SAP30L: variants seen among roughly 807,000 people sequenced by gnomAD.
The protein encoded by SAP30L is histone deacetylase complex subunit SAP30L.
Under a neutral mutation model 22.3 loss-of-function variants are expected in SAP30L, and 10 were observed. The observed-to-expected ratio is 0.45, with a 90% CI of 0.28 to 0.76. SAP30L has a LOEUF of 0.76. SAP30L is among the 30% of genes least tolerant of loss of function. The pLI, the probability that SAP30L is intolerant of heterozygous loss-of-function variation, is 0.14. For synonymous variants in SAP30L, 91 were observed against 94.1 expected (o/e 0.97, Z 0.19); for missense variants, 206 against 237.9 (o/e 0.87, Z 0.88).
chr5:154,451,265 G>T, intron 2 of SAP30L, 52 bp downstream of exon 2: 1 of 1,584,954 alleles, frequency 6.3e-7, no homozygotes, highest in South Asian at 1.1e-5. Context: ...ATTCTAATCT[G>T]ATTCTCACCT....
At position 154,460,466 on chromosome 5, in the gene SAP30L, A is replaced by G. The variant is rs1344423653; in HGVS notation, c.*4438A>G. On this transcript the variant is annotated 3_prime_UTR_variant, in exon 4 of 4. Coordinates refer to ENST00000297109, the MANE Select transcript of SAP30L (RefSeq NM_024632.6). ...CCGAAGGGCAGATGAGCTCAAGATC[A>G]TGCCTTGGGAAGCATGGTGCTCTAG... 1 of 152,248 alleles carries G rather than the reference A, an allele frequency of 6.6e-6. No homozygotes were observed. Among genetic ancestry groups the G allele is most frequent in the Non-Finnish European group, 1.5e-5 (1 of 68,050 alleles). 9.4% of individuals were successfully genotyped at this position (152,248 alleles called of 1,614,324 possible).
chr5:154,453,680 G>T (rs1383295117), intron 3 of SAP30L, among the ~76,000 whole-genome samples, 180 bp downstream of exon 3: 2 of 152,178 alleles, frequency 1.3e-5, no homozygotes, highest in Non-Finnish European at 2.9e-5. Context: ...AAAGGCCTCA[G>T]TTCCAGAAAA....
At chr5:154,447,047 T>C (rs1020771108) in intron 1 of SAP30L, among the ~76,000 whole-genome samples, 2 of 152,232 alleles carry the variant, frequency 1.3e-5, no homozygotes, top group African/African-American at 4.8e-5. Context: ...CCTGGAAAGA[T>C]TGGACAGCAG....
rs1161684733 is a variant in SAP30L at position 154,446,055 on chromosome 5, G to T, written c.-550G>T. 1 of 152,196 alleles carries T rather than the reference G, an allele frequency of 6.6e-6. No homozygotes were observed. The highest frequency in any genetic ancestry group is 6.6e-5 in the Admixed American group (1 of 15,254). 9.4% of individuals were successfully genotyped at this position (152,196 alleles called of 1,614,324 possible). On this transcript the variant is annotated 5_prime_UTR_variant, in exon 1 of 4. Coordinates refer to ENST00000297109, the MANE Select transcript of SAP30L (RefSeq NM_024632.6). Reference sequence around the variant, plus strand: ...CGGCCCAGGGGCTGCCGCGGGACTCGGGGCGCAGCCGAGTGGCTGCAGGGG... The same window carrying T: ...CGGCCCAGGGGCTGCCGCGGGACTCTGGGCGCAGCCGAGTGGCTGCAGGGG...
rs1434992058 is a variant in SAP30L at position 154,458,314 on chromosome 5, A to G, written c.*2286A>G. ...GTCAGGTGAGAGAAAAGACAAAGCT[A>G]TTTGAACCTATGTTTTTCTTATGTC... On this transcript the variant is annotated 3_prime_UTR_variant, in exon 4 of 4. Transcript: ENST00000297109. 1 of 152,220 alleles carries G rather than the reference A, an allele frequency of 6.6e-6. No homozygotes were observed. Among genetic ancestry groups the G allele is most frequent in the Non-Finnish European group, 1.5e-5 (1 of 68,040 alleles). 9.4% of individuals were successfully genotyped at this position (152,220 alleles called of 1,614,324 possible).
At chr5:154,451,016 C>A (rs1753597317) in intron 1 of SAP30L, 75 bp from the exon 2 acceptor site, 7 of 1,504,990 alleles carry the variant, frequency 4.7e-6, no homozygotes, top group Non-Finnish European at 6.5e-6. Flanking sequence ...GGAAGGAAGC[C>A]CCGCAATTCG....
chr5:154,453,146 C>T (rs993164939), intron 2 of SAP30L: 1 of 380,300 alleles, frequency 2.6e-6, no homozygotes, highest in Admixed American at 4.2e-5. Flanking sequence ...TTTATCAGAC[C>T]CTGCTCCTCC....
At chr5:154,454,393 A>G (rs1487591787) in intron 3 of SAP30L, among the ~76,000 whole-genome samples, 1 of 105,490 alleles carries the variant, frequency 9.5e-6, no homozygotes, top group African/African-American at 2.8e-5. Flanking sequence ...GGTATTTTCT[A>G]ATCCCTCTTT....
chr5:154,454,431 G>A (rs959655660), intron 3 of SAP30L, among the ~76,000 whole-genome samples: 8 of 152,114 alleles, frequency 5.3e-5, no homozygotes, highest in Admixed American at 5.2e-4. Flanking sequence ...GCCTATTACA[G>A]AAAAGTTGGA....
At chr5:154,453,134 G>C in intron 2 of SAP30L, 1 of 349,780 alleles carries the variant, frequency 2.9e-6, no homozygotes, top group East Asian at 4.8e-5. Context: ...GTTTCTCAGT[G>C]CTTTATCAGA....
At position 154,446,599 on chromosome 5, in the gene SAP30L, G is replaced by A. The variant is rs1467006138; in HGVS notation, c.-6G>A. On this transcript the variant is annotated 5_prime_UTR_variant, in exon 1 of 4. Transcript: ENST00000297109. ...TCCCCCAGAGGGACCGGCCCGGGGCGGGGAGATGAACGGCTTCAGCACGGA... is the reference window on the plus strand; with the variant it reads ...TCCCCCAGAGGGACCGGCCCGGGGCAGGGAGATGAACGGCTTCAGCACGGA... 3.3e-5 allele frequency: 49 copies of A among 1,473,238 alleles called. No homozygotes were observed. Among genetic ancestry groups the A allele is most frequent in the Middle Eastern group, 2.4e-4 (1 of 4,174 alleles). The allele number at this position is 1,473,238 out of a possible 1,614,324, so 91.3% of individuals were successfully genotyped here. A position where few individuals can be genotyped will look rare whatever the true frequency, so the allele number is the denominator to read the frequency against.
At chr5:154,449,016 C>T (rs1353184149) in intron 1 of SAP30L, among the ~76,000 whole-genome samples, 1 of 151,788 alleles carries the variant, frequency 6.6e-6, no homozygotes, top group Non-Finnish European at 1.5e-5. Context: ...ACCCTCCTGC[C>T]CCAACCCCAC....
chr5:154,451,032 T>C, intron 1 of SAP30L, 59 bp from the exon 2 acceptor site: 1 of 1,591,742 alleles, frequency 6.3e-7, no homozygotes, highest in Non-Finnish European at 8.6e-7. Context: ...ATTCGACAGA[T>C]ACCTATTGCT....
intron 1 of SAP30L, 27 bp from the exon 2 acceptor site, chr5:154,451,064 T>C (rs996722325): frequency 4.3e-6 from 7 of 1,613,930 alleles, no homozygotes; most frequent in East Asian, 2.2e-5. Context: ...ATTGGCCAAC[T>C]CTGACTTTGA....
chr5:154,446,535 C>G lies in SAP30L; in HGVS notation c.-70C>G. 7.7e-7 allele frequency: 1 copy of G among 1,292,174 alleles called. No individual in the cohort carries two copies. Among genetic ancestry groups the G allele is most frequent in the Non-Finnish European group, 1.0e-6 (1 of 992,770 alleles). The allele number at this position is 1,292,174 out of a possible 1,614,324, so 80.0% of individuals were successfully genotyped here. Reference sequence around the variant, plus strand: ...CTGCGGGGGTCTCAGCGACCTGCCCCGCGGCAAGCGCGGCCGCGGAGTGGC... The same window carrying G: ...CTGCGGGGGTCTCAGCGACCTGCCCGGCGGCAAGCGCGGCCGCGGAGTGGC... On this transcript the variant is annotated 5_prime_UTR_variant, in exon 1 of 4. Transcript: ENST00000297109.
chr5:154,455,863 A>G (rs765309756), intron 3 of SAP30L, 37 bp from the exon 4 acceptor site: 10 of 1,581,464 alleles, frequency 6.3e-6, no homozygotes, highest in Non-Finnish European at 8.6e-6. Flanking sequence ...TGATTTGTGC[A>G]TGGTTTAAGG....
In SAP30L at chr5:154,456,132, A is replaced by T. The variant is rs182947921; in HGVS notation, c.*104A>T. 1.8e-4 allele frequency: 225 copies of T among 1,242,816 alleles called. 2 individuals carry two copies. In the East Asian group the frequency reaches 4.4e-3, roughly 24 times the overall value. 77.0% of individuals were successfully genotyped at this position (1,242,816 alleles called of 1,614,324 possible). ...CTGTTAAATATTATTGTAAATAAAAAAGTTTGAATGATGAATACTGTAAAT... is the reference window on the plus strand; with the variant it reads ...CTGTTAAATATTATTGTAAATAAAATAGTTTGAATGATGAATACTGTAAAT... On this transcript the variant is annotated 3_prime_UTR_variant, in exon 4 of 4. Transcript: ENST00000297109.
At chr5:154,455,353 C>G (rs1757241647) in intron 3 of SAP30L, among the ~76,000 whole-genome samples, 1 of 152,060 alleles carries the variant, frequency 6.6e-6, no homozygotes, top group South Asian at 2.1e-4. Flanking sequence ...TAGCTGGGAC[C>G]ACAGGTGCAT....
chr5:154,460,525 A>T lies in SAP30L; in HGVS notation c.*4497A>T, dbSNP rs753707610. On this transcript the variant is annotated 3_prime_UTR_variant, in exon 4 of 4. Coordinates refer to ENST00000297109, the MANE Select transcript of SAP30L (RefSeq NM_024632.6). The stretch of plus-strand genomic sequence containing the variant: ...TTTTATTCCTTTCATTGTATTATAG[A>T]CTGTTTCCAAGTTTATGGTTAGAAA... 1 of 152,100 alleles carries T rather than the reference A, an allele frequency of 6.6e-6. No homozygotes were observed. The highest frequency in any genetic ancestry group is 1.5e-5 in the Non-Finnish European group (1 of 68,028). The allele number at this position is 152,100 out of a possible 1,614,324, so 9.4% of individuals were successfully genotyped here.
Sources: allele counts gnomAD v4.1 joint callset (sites outside exome capture counted in the v4.1 genomes callset), GRCh38; gene constraint gnomAD v4.1.1; transcripts MANE v1.5; gene names NCBI Gene and HGNC (gene_info 2026-07-23, HGNC 2026-07-21).